MXI1: variants seen among roughly 807,000 people sequenced by gnomAD.
MXI1 encodes max-interacting protein 1.
In MXI1, 18 loss-of-function variants were observed where a neutral mutation model predicts 36.9. That is an observed-to-expected ratio of 0.49 (90% CI 0.34 to 0.72). MXI1 has a LOEUF of 0.72. MXI1 is among the 30% of genes least tolerant of loss of function. The pLI is 0.01. For missense variants in MXI1, 304 were observed against 379.1 expected (o/e 0.80, Z 1.64); for synonymous variants, 160 against 146.7 (o/e 1.09, Z -0.65).
At chr10:110,210,267 C>A (rs1854478798) in intron 1 of MXI1, 19 of 985,252 alleles carry the variant, frequency 1.9e-5, no homozygotes, top group Non-Finnish European at 2.3e-5. Context: ...ATCTGCCAGC[C>A]CCCGAGAGGG....
intron 1 of MXI1, among the ~76,000 whole-genome samples, chr10:110,220,094 C>T (rs1022171559): frequency 3.3e-5 from 5 of 152,208 alleles, no homozygotes; most frequent in East Asian, 1.9e-4. Context: ...TTTGACCTGA[C>T]GCGATTGAAC....
chr10:110,245,652 C>G (rs550228902), intron 3 of MXI1: 2 of 152,278 alleles, frequency 1.3e-5, no homozygotes, highest in Middle Eastern at 6.8e-3. Context: ...AGAGTTTAGA[C>G]TTCCTGAGAC....
At chr10:110,284,123 G>A (rs1337764344) in intron 5 of MXI1, among the ~76,000 whole-genome samples, 3 of 151,122 alleles carry the variant, frequency 2.0e-5, no homozygotes, top group African/African-American at 7.3e-5. Flanking sequence ...AGTCAAATAT[G>A]TATTTGTGGT....
intron 3 of MXI1, among the ~76,000 whole-genome samples, chr10:110,250,335 C>G (rs1856032594): frequency 6.6e-6 from 1 of 152,066 alleles, no homozygotes; most frequent in African/African-American, 2.4e-5. Context: ...CTGCATTCCT[C>G]AGGAACCTAT....
chr10:110,217,335 T>G (rs749005898), intron 1 of MXI1, among the ~76,000 whole-genome samples: 15 of 152,234 alleles, frequency 9.9e-5, no homozygotes, highest in Non-Finnish European at 1.9e-4. Context: ...TTGAAATTTC[T>G]TTTTCTGTGT....
chr10:110,252,374 C>G (rs1374276358), intron 3 of MXI1, among the ~76,000 whole-genome samples: 1 of 152,122 alleles, frequency 6.6e-6, no homozygotes, highest in African/African-American at 2.4e-5. Context: ...GTGCACCACT[C>G]TATCCCTTCT....
chr10:110,280,164 T>G, intron 5 of MXI1, 79 bp downstream of exon 5: 1 of 1,245,574 alleles, frequency 8.0e-7, no homozygotes, highest in Non-Finnish European at 1.1e-6. Flanking sequence ...TGGGAGGCAC[T>G]GTATTTGCTT....
chr10:110,272,012 GA>G (rs1259972932), intron 3 of MXI1, among the ~76,000 whole-genome samples: 1 of 152,020 alleles, frequency 6.6e-6, no homozygotes, highest in Non-Finnish European at 1.5e-5. Context: ...AAACCTTTGA[GA>G]GACATAATCC....
intron 3 of MXI1, among the ~76,000 whole-genome samples, chr10:110,272,552 A>G (rs1285300453): frequency 3.3e-5 from 5 of 152,100 alleles, no homozygotes; most frequent in Non-Finnish European, 7.4e-5. Context: ...GCTAAGAACT[A>G]TTTATATTTT....
At chr10:110,257,127 C>G (rs1856329127) in intron 3 of MXI1, 1 of 152,034 alleles carries the variant, frequency 6.6e-6, no homozygotes, top group African/African-American at 2.4e-5. Flanking sequence ...TCTTAGAAAA[C>G]ATGGAATTGT....
At position 110,286,705 on chromosome 10, in the gene MXI1, A is replaced by C. The variant is rs1196263860; in HGVS notation, c.*1718A>C. The C allele has an allele frequency of 6.6e-6, 1 of 152,564 alleles. No homozygotes were observed. Among genetic ancestry groups the C allele is most frequent in the African/African-American group, 2.4e-5 (1 of 41,460 alleles). The allele number at this position is 152,564 out of a possible 1,614,324, so 9.5% of individuals were successfully genotyped here. A position where few individuals can be genotyped will look rare whatever the true frequency, so the allele number is the denominator to read the frequency against. ...CTTTAACAGCATTCACTGCTTCTAT[A>C]TATAGTGTACCATCTTGGTCATACA... On this transcript the variant is annotated 3_prime_UTR_variant, in exon 6 of 6. Coordinates refer to ENST00000332674, the MANE Select transcript of MXI1 (RefSeq NM_130439.3).
chr10:110,219,552 G>A (rs1305520408), intron 1 of MXI1, among the ~76,000 whole-genome samples: 1 of 152,196 alleles, frequency 6.6e-6, no homozygotes, highest in East Asian at 1.9e-4. Context: ...ATACCCAGGT[G>A]ATTTGTGTGC....
Position 110,285,083 on chromosome 10 carries a change from TTAAAA to T in MXI1, c.*97_*101del, listed in dbSNP as rs944191435. The T allele has an allele frequency of 4.6e-5, 56 of 1,206,482 alleles. No individual in the cohort carries two copies. The highest frequency in any genetic ancestry group is 5.9e-5 in the Non-Finnish European group (53 of 897,860). 74.7% of individuals were successfully genotyped at this position (1,206,482 alleles called of 1,614,324 possible). ...TTGGGTTCATGATGCAGTCTCCTCTTTAAAACAAAACAAAACAAAACAAAACTATA... is the reference window on the plus strand; with the variant it reads ...TTGGGTTCATGATGCAGTCTCCTCTTCAAAACAAAACAAAACAAAACTATA... On this transcript the variant is annotated 3_prime_UTR_variant, in exon 6 of 6. Transcript: ENST00000332674.
At chr10:110,282,415 GAA>G (rs1857286288) in intron 5 of MXI1, among the ~76,000 whole-genome samples, 1 of 152,004 alleles carries the variant, frequency 6.6e-6, no homozygotes, top group African/African-American at 2.4e-5. Context: ...CAGTTTTCAA[GAA>G]AAGTCTACCA....
At chr10:110,241,879 A>T (rs1370886289) in intron 2 of MXI1, among the ~76,000 whole-genome samples, 1 of 152,036 alleles carries the variant, frequency 6.6e-6, no homozygotes, top group East Asian at 1.9e-4. Context: ...TAACCTGGCC[A>T]AGGCATGTGT....
chr10:110,273,665 G>GA, intron 3 of MXI1, among the ~76,000 whole-genome samples: 1 of 152,224 alleles, frequency 6.6e-6, no homozygotes, highest in East Asian at 1.9e-4. Context: ...CAGCTTTGAA[G>GA]AATGTGGCTC....
rs1008382710 is a variant in MXI1 at position 110,285,478 on chromosome 10, G to C, written c.*491G>C. 6.6e-6 allele frequency: 1 copy of C among 152,122 alleles called. No individual in the cohort carries two copies. Among genetic ancestry groups the C allele is most frequent in the Non-Finnish European group, 1.5e-5 (1 of 68,006 alleles). The allele number at this position is 152,122 out of a possible 1,614,324, so 9.4% of individuals were successfully genotyped here. A position where few individuals can be genotyped will look rare whatever the true frequency, so the allele number is the denominator to read the frequency against. On this transcript the variant is annotated 3_prime_UTR_variant, in exon 6 of 6. Coordinates refer to ENST00000332674, the MANE Select transcript of MXI1 (RefSeq NM_130439.3). ...GCTAATAATGAGCTATTAAAACTCAGCCTGGGACAGTTTATCATGAAGCCT... is the reference window on the plus strand; with the variant it reads ...GCTAATAATGAGCTATTAAAACTCACCCTGGGACAGTTTATCATGAAGCCT...
In MXI1 at chr10:110,284,879, T is replaced by C. The variant is rs1322299907; in HGVS notation, c.780T>C (p.Asn260=). Residue 260 remains asparagine (N), a synonymous_variant, in exon 6 of 6, where the codon AAT becomes AAC. Coordinates refer to ENST00000332674, the MANE Select transcript of MXI1 (RefSeq NM_130439.3). The part of the protein sequence containing the change: ...STEFSHGEVD[N]ISTTSISDID... Reference sequence around the variant, plus strand: ...AGTTCTCCCATGGAGAAGTGGACAATATAAGTACCACCAGCATCAGTGACA... The same window carrying C: ...AGTTCTCCCATGGAGAAGTGGACAACATAAGTACCACCAGCATCAGTGACA... The C allele has an allele frequency of 1.9e-6, 3 of 1,613,512 alleles. No individual in the cohort carries two copies. The highest frequency in any genetic ancestry group is 2.5e-6 in the Non-Finnish European group (3 of 1,179,892).
At chr10:110,208,690 T>C (rs1854424439) in intron 1 of MXI1, 1 of 150,078 alleles carries the variant, frequency 6.7e-6, no homozygotes, top group African/African-American at 2.5e-5. Context: ...GGCCATCACG[T>C]CTACGGACAC....
Sources: gnomAD v4.1 joint callset for allele counts (sites outside exome capture counted in the v4.1 genomes callset) on GRCh38, gnomAD v4.1.1 for gene constraint, MANE v1.5 for transcripts, NCBI Gene and HGNC (gene_info 2026-07-23, HGNC 2026-07-21) for gene names.